SCML4: variants seen among roughly 807,000 people sequenced by gnomAD.
SCML4 encodes the protein sex comb on midleg-like protein 4.
A neutral mutation model predicts 41.1 loss-of-function variants in SCML4; 34 were observed. That is an observed-to-expected ratio of 0.83 (90% CI 0.63 to 1.10). The LOEUF (loss-of-function observed/expected upper bound fraction) is 1.10, where lower values mean the gene tolerates loss of function less well. SCML4 is among the 50% of genes least tolerant of loss of function. SCML4 has a pLI of 0.00. For synonymous variants in SCML4, 214 were observed against 220.9 expected (o/e 0.97, Z 0.28); for missense variants, 522 against 534.1 (o/e 0.98, Z 0.22).
chr6:107,770,243 A>G (rs1484300874), intron 2 of SCML4, among the ~76,000 whole-genome samples: 1 of 152,232 alleles, frequency 6.6e-6, no homozygotes, highest in Non-Finnish European at 1.5e-5. Flanking sequence ...TTAACATACA[A>G]CATTTAATAA....
At chr6:107,836,391 C>T in the SCML4 span, among the ~76,000 whole-genome samples, 1 of 152,148 alleles carries the variant, frequency 6.6e-6, no homozygotes, top group East Asian at 1.9e-4. Context: ...CCAGAGGCCA[C>T]ATAATTCACA....
chr6:107,767,914 A>C (rs1780195549), intron 2 of SCML4, among the ~76,000 whole-genome samples: 1 of 152,160 alleles, frequency 6.6e-6, no homozygotes, highest in African/African-American at 2.4e-5. Context: ...ACAGTGGGAC[A>C]GTGGGACCTG....
chr6:107,748,513 C>T (rs1778334443), intron 3 of SCML4, among the ~76,000 whole-genome samples: 2 of 152,166 alleles, frequency 1.3e-5, no homozygotes, highest in African/African-American at 4.8e-5. Context: ...TAGTAGACTG[C>T]TCAAAAACTG....
chr6:107,838,613 C>T, the SCML4 span, among the ~76,000 whole-genome samples: 1 of 152,232 alleles, frequency 6.6e-6, no homozygotes, highest in South Asian at 2.1e-4. Flanking sequence ...ATTGATATTC[C>T]ACGATATGCA....
intron 1 of SCML4, among the ~76,000 whole-genome samples, chr6:107,790,733 C>T (rs1483718225): frequency 6.6e-6 from 1 of 152,144 alleles, no homozygotes; most frequent in Non-Finnish European, 1.5e-5. Flanking sequence ...CGAGGACAAC[C>T]ATCCACACCT....
the SCML4 span, among the ~76,000 whole-genome samples, chr6:107,831,880 G>A: frequency 3.2e-5 from 4 of 126,490 alleles, no homozygotes; most frequent in South Asian, 6.2e-4. Flanking sequence ...GGTGAAACCC[G>A]TCTCTACTAA....
At chr6:107,813,370 T>TTATATATATATATATA (rs543060112) in intron 1 of SCML4, among the ~76,000 whole-genome samples, 1 of 42,448 alleles carries the variant, frequency 2.4e-5, no homozygotes, top group Admixed American at 3.5e-4. Flanking sequence ...CTCAAAAAAA[T>TTATATATATATATATA]TATATATATA....
At chr6:107,784,900 C>G (rs1781770103) in intron 1 of SCML4, among the ~76,000 whole-genome samples, 1 of 143,022 alleles carries the variant, frequency 7.0e-6, no homozygotes, top group East Asian at 1.9e-4. Flanking sequence ...AGCAGACCAG[C>G]AACCATTTCA....
chr6:107,831,924 A>G, the SCML4 span, among the ~76,000 whole-genome samples: 11 of 152,040 alleles, frequency 7.2e-5, no homozygotes, highest in Non-Finnish European at 1.0e-4. Flanking sequence ...TTAGCTGGGC[A>G]TGGTGGCGCA....
intron 1 of SCML4, among the ~76,000 whole-genome samples, chr6:107,806,784 T>C (rs996631572): frequency 1.3e-5 from 2 of 152,216 alleles, no homozygotes; most frequent in Non-Finnish European, 2.9e-5. Context: ...TGGATGGACA[T>C]GGCCATTCCC....
At chr6:107,772,486 C>A in intron 1 of SCML4, 100 bp from the exon 2 acceptor site, 1 of 628,388 alleles carries the variant, frequency 1.6e-6, no homozygotes, top group Non-Finnish European at 2.6e-6. Context: ...CGATACCTAC[C>A]ACTTATTGGA....
At chr6:107,829,061 A>G (rs6568511), upstream of SCML4, among the ~76,000 whole-genome samples, 151,163 of 152,306 alleles carry the variant, frequency 0.99, 75,027 homozygotes, top group Middle Eastern at 1. Context: ...ATCCAGGATC[A>G]AATTTTATTT....
chr6:107,705,961 C>T (rs1773577555), intron 7 of SCML4, among the ~76,000 whole-genome samples: 2 of 152,190 alleles, frequency 1.3e-5, no homozygotes, highest in South Asian at 4.1e-4. Flanking sequence ...AATGGTCACC[C>T]TCCAGAATGC....
At chr6:107,815,914 C>T (rs939858427) in intron 1 of SCML4, among the ~76,000 whole-genome samples, 1 of 152,192 alleles carries the variant, frequency 6.6e-6, no homozygotes, top group African/African-American at 2.4e-5. Flanking sequence ...TCAAAAATGC[C>T]TTTCGAAGTG....
At chr6:107,816,004 G>A (rs186876793) in intron 1 of SCML4, among the ~76,000 whole-genome samples, 18 of 152,310 alleles carry the variant, frequency 1.2e-4, no homozygotes, top group African/African-American at 3.6e-4. Context: ...AGAGGCTGGC[G>A]CTACAGCATG....
At position 107,742,589 on chromosome 6, in the gene SCML4, T is replaced by C. The variant is rs575438114; in HGVS notation, c.682+2360A>G. Among the ~76,000 whole-genome samples, 4 of 152,264 alleles carry C rather than the reference T, an allele frequency of 2.6e-5. No homozygotes were observed. The South Asian group carries it at 8.3e-4, about 32-fold the overall frequency. Reference sequence around the variant, plus strand: ...ACATTTGAAGGAACCCCAATTCATCTGGCAACAGACTTCTCAGTGGAAACC... The same window carrying C: ...ACATTTGAAGGAACCCCAATTCATCCGGCAACAGACTTCTCAGTGGAAACC... On this transcript the variant is annotated intron_variant, in intron 5 of 7. Transcript: ENST00000369020.
At chr6:107,719,595 T>C (rs1368227969) in intron 6 of SCML4, 1 of 152,222 alleles carries the variant, frequency 6.6e-6, no homozygotes, top group Non-Finnish European at 1.5e-5. Context: ...CTGTGATCTG[T>C]TAAGGGATGT....
rs375914289 is a variant in SCML4 at position 107,747,553 on chromosome 6, G to A, written c.287-664C>T. 1.5e-4 allele frequency among the ~76,000 whole-genome samples: 23 copies of A among 150,730 alleles called. 1 individual carries two copies. The South Asian group carries it at 4.8e-3, about 32-fold the overall frequency. ...ACATTCTTAACTGTATTAATGTATT[G>A]GGTGAATTTTTTACAGGAAAGTATC... On this transcript the variant is annotated intron_variant, in intron 3 of 7. Coordinates refer to ENST00000369020, the MANE Select transcript of SCML4 (RefSeq NM_198081.5).
chr6:107,758,600 T>A (rs919568464), intron 2 of SCML4, among the ~76,000 whole-genome samples: 1 of 152,084 alleles, frequency 6.6e-6, no homozygotes, highest in East Asian at 1.9e-4. Flanking sequence ...ATGACTGGTG[T>A]GCTTATAAGA....
Sources: gnomAD v4.1 joint callset for allele counts (sites outside exome capture counted in the v4.1 genomes callset) on GRCh38, gnomAD v4.1.1 for gene constraint, MANE v1.5 for transcripts, NCBI Gene and HGNC (gene_info 2026-07-23, HGNC 2026-07-21) for gene names.